Variants in SH3D19 observed in about 807,000 individuals in gnomAD.
SH3D19 encodes the protein SH3 domain-containing protein 19.
Under a neutral mutation model 112.1 loss-of-function variants are expected in SH3D19, and 58 were observed. The ratio of observed to expected loss-of-function variants is 0.52; its 90% CI spans 0.42 to 0.64. The LOEUF (loss-of-function observed/expected upper bound fraction) is 0.64. SH3D19 is among the 30% of genes least tolerant of loss of function. The probability of loss-of-function intolerance (pLI) is 0.00; values close to 1 mark genes in which losing one functional copy is unlikely to be tolerated. For missense variants in SH3D19, 1,090 were observed against 1,263.4 expected, an observed-to-expected ratio of 0.86 and a Z score of 2.08; for synonymous variants, 391 against 448.5, an observed-to-expected ratio of 0.87 and a Z score of 1.62.
At chr4:151,171,427 A>T (rs1759033707) in intron 7 of SH3D19, among the ~76,000 whole-genome samples, 1 of 152,176 alleles carries the variant, frequency 6.6e-6, no homozygotes, top group Non-Finnish European at 1.5e-5. Flanking sequence ...CTCCTATCTG[A>T]ATCTAAGACA....
At chr4:151,182,668 C>T (rs1418899700) in intron 3 of SH3D19, among the ~76,000 whole-genome samples, 2 of 152,164 alleles carry the variant, frequency 1.3e-5, no homozygotes, top group African/African-American at 4.8e-5. Flanking sequence ...AAACTGACAC[C>T]TTCTGTCAGT....
At position 151,120,405 on chromosome 4, in the gene SH3D19, C is replaced by T. The variant is rs997262505; in HGVS notation, c.*1686G>A. 2 of 152,540 alleles carry T rather than the reference C, an allele frequency of 1.3e-5. No homozygotes were observed. The highest frequency in any genetic ancestry group is 2.9e-5 in the Non-Finnish European group (2 of 68,018). 9.4% of individuals were successfully genotyped at this position (152,540 alleles called of 1,614,324 possible). A position where few individuals can be genotyped will look rare whatever the true frequency, so the allele number is the denominator to read the frequency against. On this transcript the variant is annotated 3_prime_UTR_variant, in exon 20 of 20. Coordinates refer to ENST00000604030, the MANE Select transcript of SH3D19 (RefSeq NM_001378122.1). ...TTTTCCTCTAATAAAGATAGGTTTT[C>T]AGAATCTTCAATATAAGATGTTAAA...
intron 2 of SH3D19, among the ~76,000 whole-genome samples, chr4:151,222,561 A>T (rs1477470820): frequency 1.3e-5 from 2 of 151,392 alleles, no homozygotes; most frequent in Non-Finnish European, 2.9e-5. Context: ...TGTTTAAATT[A>T]TCCCCTCCCC....
At chr4:151,300,791 C>G (rs1279760359) in intron 1 of SH3D19, among the ~76,000 whole-genome samples, 2 of 152,106 alleles carry the variant, frequency 1.3e-5, no homozygotes, top group African/African-American at 4.8e-5. Flanking sequence ...ACAGAATGGC[C>G]AGTTTGAAGT....
chr4:151,167,283 AATTT>A (rs1264577602), intron 7 of SH3D19, among the ~76,000 whole-genome samples: 1 of 151,920 alleles, frequency 6.6e-6, no homozygotes, highest in Non-Finnish European at 1.5e-5. Flanking sequence ...TTAATTCTTT[AATTT>A]ATTATAACAA....
At chr4:151,214,451 G>A (rs1313691117) in intron 2 of SH3D19, among the ~76,000 whole-genome samples, 2 of 18,262 alleles carry the variant, frequency 1.1e-4, no homozygotes, top group East Asian at 4.5e-3. Flanking sequence ...GCTGCTGGCC[G>A]GGCGGGGGGC....
In SH3D19 at chr4:151,306,277, T is replaced by C. The variant is rs1320142182; in HGVS notation, c.112+18964A>G. On this transcript the variant is annotated intron_variant, in intron 1 of 19. Transcript: ENST00000604030. ...CCAAAAAGAAGCCAATTTTACTGTA[T>C]GTACATTTAAAAATTAAAGAAGAAA... is the stretch of plus-strand genomic sequence containing the variant. Among the ~76,000 whole-genome samples, 3 of 152,182 alleles carry C rather than the reference T, an allele frequency of 2.0e-5. No homozygotes were observed. In the East Asian group the frequency reaches 5.8e-4, roughly 29 times the overall value.
At chr4:151,136,863 C>G (rs1395950599) in intron 14 of SH3D19, among the ~76,000 whole-genome samples, 24 of 152,218 alleles carry the variant, frequency 1.6e-4, no homozygotes, top group Admixed American at 1.6e-3. Flanking sequence ...ATCCAAGAGA[C>G]TCAAATTCAT....
At chr4:151,231,290 A>G (rs545862537) in intron 1 of SH3D19, among the ~76,000 whole-genome samples, 4 of 152,230 alleles carry the variant, frequency 2.6e-5, no homozygotes, top group Non-Finnish European at 5.9e-5. Context: ...TCAGAATTTC[A>G]AATAACTTTT....
At chr4:151,123,660 G>A (rs757519842) in intron 19 of SH3D19, among the ~76,000 whole-genome samples, 2 of 152,268 alleles carry the variant, frequency 1.3e-5, no homozygotes, top group South Asian at 4.1e-4. Context: ...TCTTCATCAG[G>A]TTAGTCAAAG....
chr4:151,294,852 G>T (rs746449262), intron 1 of SH3D19, among the ~76,000 whole-genome samples: 4 of 152,226 alleles, frequency 2.6e-5, no homozygotes, highest in African/African-American at 7.2e-5. Context: ...GCAGATAAGA[G>T]TATCAGGATG....
chr4:151,247,855 A>G (rs920717372), intron 1 of SH3D19, among the ~76,000 whole-genome samples: 1 of 152,258 alleles, frequency 6.6e-6, no homozygotes, highest in African/African-American at 2.4e-5. Flanking sequence ...CTGCACAAAT[A>G]GTATAATTTT....
chr4:151,226,442 C>CA, intron 1 of SH3D19: 2 of 999,124 alleles, frequency 2.0e-6, no homozygotes, highest in Non-Finnish European at 2.4e-6. Flanking sequence ...TTACTCAGCT[C>CA]AAAAAAATCA....
At chr4:151,273,589 CAAAAAAAAAAAAAAA>C (rs60600816) in intron 1 of SH3D19, among the ~76,000 whole-genome samples, 3 of 64,648 alleles carry the variant, frequency 4.6e-5, no homozygotes, top group East Asian at 9.4e-4. Flanking sequence ...GACTCCATCT[CAAAAAAAAAAAAAAA>C]AAAAAAAAAA....
chr4:151,139,712 G>A, intron 13 of SH3D19, 63 bp downstream of exon 13: 9 of 1,466,598 alleles, frequency 6.1e-6, no homozygotes, highest in South Asian at 3.5e-5. Flanking sequence ...GCTAACCCCC[G>A]GCAGGGAAAA....
intron 1 of SH3D19, among the ~76,000 whole-genome samples, chr4:151,271,939 G>C (rs1194867466): frequency 6.6e-6 from 1 of 152,086 alleles, no homozygotes; most frequent in African/African-American, 2.4e-5. Flanking sequence ...GATGGCATAG[G>C]GTAATAATCT....
rs757570132 is a variant in SH3D19 at position 151,174,691 on chromosome 4, C to G, written c.1513G>C (p.Val505Leu). 1 of 1,513,918 alleles carries G rather than the reference C, an allele frequency of 6.6e-7. No homozygotes were observed. Among genetic ancestry groups the G allele is most frequent in the Admixed American group, 2.3e-5 (1 of 43,726 alleles). 93.8% of individuals were successfully genotyped at this position (1,513,918 alleles called of 1,614,324 possible). Residue 505 changes from valine to leucine, a missense_variant, in exon 7 of 20, where the codon GTT becomes CTT. Val to Leu is a conservative substitution (Grantham distance 32). Transcript: ENST00000604030. The part of the protein sequence containing the change: ...TPSGNLAEES[V>L]GSEMVLDPFQ... The stretch of plus-strand genomic sequence containing the variant: ...TCACCTAGAACCATCTCTGAACCAA[C>G]AGATTCTTCAGCCAGGTTCCCCGAT...
At chr4:151,244,815 G>A (rs578112916) in intron 1 of SH3D19, among the ~76,000 whole-genome samples, 1 of 152,172 alleles carries the variant, frequency 6.6e-6, no homozygotes, top group Non-Finnish European at 1.5e-5. Context: ...AAAAATGACA[G>A]GTAAACAGAT....
chr4:151,307,257 C>T (rs1318778578), intron 1 of SH3D19, among the ~76,000 whole-genome samples: 2 of 151,974 alleles, frequency 1.3e-5, no homozygotes, highest in Non-Finnish European at 2.9e-5. Context: ...CTCCTGACCT[C>T]GTGATCCGCC....
Sources: gnomAD v4.1 joint callset for allele counts (sites outside exome capture counted in the v4.1 genomes callset) on GRCh38, gnomAD v4.1.1 for gene constraint, MANE v1.5 for transcripts, NCBI Gene and HGNC (gene_info 2026-07-23, HGNC 2026-07-21) for gene names.